PCDHA9: variants seen among roughly 807,000 people sequenced by gnomAD.
PCDHA9 encodes protocadherin alpha 9, also known as protocadherin alpha-9.
In PCDHA9, 62 loss-of-function variants were observed where a neutral mutation model predicts 62.0. The observed-to-expected ratio is 1.00, with a 90% CI of 0.81 to 1.23. The LOEUF is 1.23. Ranked by LOEUF, PCDHA9 falls within the 50% of genes most tolerant of loss-of-function variation. The pLI is 0.00. For missense variants in PCDHA9, 1,205 were observed against 1,249.8 expected (o/e 0.96, Z 0.54); for synonymous variants, 557 against 567.6 (o/e 0.98, Z 0.27).
chr5:140,878,567 G>T (rs562054144), intron 1 of PCDHA9, among the ~76,000 whole-genome samples: 1 of 152,268 alleles, frequency 6.6e-6, no homozygotes, highest in Non-Finnish European at 1.5e-5. Flanking sequence ...ACTTATCATA[G>T]TATACCACTG....
intron 3 of PCDHA9, among the ~76,000 whole-genome samples, chr5:141,006,429 G>A (rs541690957): frequency 1.3e-5 from 2 of 152,004 alleles, no homozygotes; most frequent in South Asian, 4.2e-4. Context: ...TAGCCAGGAT[G>A]GTCTCAATCT....
chr5:140,933,739 G>A (rs531821370), intron 1 of PCDHA9, among the ~76,000 whole-genome samples: 18 of 151,856 alleles, frequency 1.2e-4, no homozygotes, highest in Admixed American at 3.9e-4. Flanking sequence ...TTAAATATTT[G>A]GTAGAATTCA....
At chr5:140,875,377 A>G in intron 1 of PCDHA9, 1 of 1,457,802 alleles carries the variant, frequency 6.9e-7, no homozygotes, top group Non-Finnish European at 9.0e-7. Context: ...TTTACTAAAT[A>G]TGTACTTACA....
At chr5:140,986,427 G>A (rs937088313) in intron 3 of PCDHA9, among the ~76,000 whole-genome samples, 19 of 152,186 alleles carry the variant, frequency 1.2e-4, no homozygotes, top group African/African-American at 4.6e-4. Context: ...TTAACTTCAT[G>A]AGTACTAATG....
At chr5:140,871,380 T>G in intron 1 of PCDHA9, 1 of 1,614,184 alleles carries the variant, frequency 6.2e-7, no homozygotes, top group East Asian at 2.2e-5. Context: ...GGGTGTGCTC[T>G]GAGGAGGGCC....
intron 1 of PCDHA9, chr5:140,869,898 C>T (rs782158709): frequency 6.2e-7 from 1 of 1,610,356 alleles, no homozygotes; most frequent in Non-Finnish European, 8.5e-7. Flanking sequence ...TCAAACTAAA[C>T]GCCACAGACC....
chr5:140,871,015 G>T (rs1554164977), intron 1 of PCDHA9: 4 of 1,613,124 alleles, frequency 2.5e-6, no homozygotes, highest in East Asian at 4.5e-5. Flanking sequence ...TGCCCTGGAC[G>T]AGGCAGACTC....
intron 1 of PCDHA9, chr5:140,882,808 G>A (rs1554175666): frequency 6.2e-7 from 1 of 1,614,208 alleles, no homozygotes; most frequent in Non-Finnish European, 8.5e-7. Flanking sequence ...ATTTCACTTT[G>A]GACGCACAAA....
intron 1 of PCDHA9, among the ~76,000 whole-genome samples, chr5:140,895,594 T>C (rs2065067713): frequency 6.6e-6 from 1 of 152,228 alleles, no homozygotes; most frequent in Admixed American, 6.5e-5. Flanking sequence ...GATATATAAT[T>C]TGCAAAGATT....
chr5:140,942,540 G>C lies in PCDHA9; in HGVS notation c.2395-36409G>C, dbSNP rs1013086382. Among the ~76,000 whole-genome samples the C allele has an allele frequency of 8.5e-5, 13 of 152,164 alleles. No homozygotes were observed. In the South Asian group the frequency reaches 1.5e-3, roughly 17 times the overall value. ...GGGGAAGCAACTAACTCAGTATGGT[G>C]GGGGGTAGGGGGTTGAGGCAGAAAA... On this transcript the variant is annotated intron_variant, in intron 1 of 3. Transcript: ENST00000532602.
At chr5:140,992,605 A>C (rs2097521923) in intron 3 of PCDHA9, among the ~76,000 whole-genome samples, 1 of 152,166 alleles carries the variant, frequency 6.6e-6, no homozygotes, top group South Asian at 2.1e-4. Flanking sequence ...TCTGTGTCTA[A>C]GTGAAAGCAG....
chr5:140,870,344 G>C, intron 1 of PCDHA9: 1 of 1,614,196 alleles, frequency 6.2e-7, no homozygotes, highest in Non-Finnish European at 8.5e-7. Flanking sequence ...GCCCTGGACC[G>C]CGAGAACGTG....
intron 3 of PCDHA9, among the ~76,000 whole-genome samples, chr5:140,997,683 T>C (rs782444752): frequency 6.6e-6 from 1 of 152,044 alleles, no homozygotes; most frequent in Non-Finnish European, 1.5e-5. Context: ...TGTGTGTGTG[T>C]GTGTGTGTGT....
At chr5:140,878,099 C>T (rs1270449354) in intron 1 of PCDHA9, 2 of 277,184 alleles carry the variant, frequency 7.2e-6, no homozygotes, top group Non-Finnish European at 1.3e-5. Flanking sequence ...GACTGATGAA[C>T]CTTGAAAAAA....
Position 140,849,717 on chromosome 5 carries a change from G to C in PCDHA9, c.1222G>C (p.Val408Leu), listed in dbSNP as rs141495063. The C allele has an allele frequency of 1.2e-4, 185 of 1,598,594 alleles. 18 individuals are homozygous for C. In the Middle Eastern group the frequency reaches 1.2e-3, roughly 10 times the overall value. ...CACCTACAAGAATTACTACTCGTTG[G>C]TGCTGGACAGAGCTCTGGACCGCGA... The part of the protein sequence containing the change: ...VSTYKNYYSL[V>L]LDRALDRESV... Residue 408 changes from valine (V) to leucine (L), a missense_variant, in exon 1 of 4, where the codon GTG becomes CTG. Physicochemically the swap from Val to Leu is conservative, Grantham distance 32. This residue lies in a region of PCDHA9 where 887 missense variants were observed against 809.5 expected (regional missense o/e 1.10). Coordinates refer to ENST00000532602, the MANE Select transcript of PCDHA9 (RefSeq NM_031857.2).
chr5:141,010,405 C>A lies in PCDHA9; in HGVS notation c.*468C>A. The A allele has an allele frequency of 7.9e-7, 1 of 1,260,098 alleles. No homozygotes were observed. The highest frequency in any genetic ancestry group is 1.1e-6 in the Non-Finnish European group (1 of 934,062). The allele number at this position is 1,260,098 out of a possible 1,614,324, so 78.1% of individuals were successfully genotyped here. On this transcript the variant is annotated 3_prime_UTR_variant, in exon 4 of 4. Transcript: ENST00000532602. ...ATTGGCTGAGACGAGCCAGCTTAGACTAATTGGTACAAGGAAGGCAAGAAA... is the reference window on the plus strand; with the variant it reads ...ATTGGCTGAGACGAGCCAGCTTAGAATAATTGGTACAAGGAAGGCAAGAAA...
At chr5:140,885,110 TA>T (rs1368571784) in intron 1 of PCDHA9, among the ~76,000 whole-genome samples, 4 of 152,224 alleles carry the variant, frequency 2.6e-5, no homozygotes, top group African/African-American at 9.6e-5. Context: ...ATGCTTTTTT[TA>T]AGTGCACTTT....
intron 1 of PCDHA9, among the ~76,000 whole-genome samples, chr5:140,923,228 CCAGAA>C (rs2081257346): frequency 1.4e-5 from 1 of 71,808 alleles, no homozygotes; most frequent in Admixed American, 1.5e-4. Flanking sequence ...TCGTTTGAGC[CCAGAA>C]GTTTGAGACC....
At chr5:140,951,373 C>T (rs1554219872) in intron 1 of PCDHA9, among the ~76,000 whole-genome samples, 1 of 151,996 alleles carries the variant, frequency 6.6e-6, no homozygotes, top group Non-Finnish European at 1.5e-5. Context: ...AAAGAAACAC[C>T]CAAGACTCGG....
Sources: gnomAD v4.1 joint callset for allele counts (sites outside exome capture counted in the v4.1 genomes callset) on GRCh38, gnomAD v4.1.1 for gene constraint, gnomAD v4.1.1 regional missense constraint, MANE v1.5 for transcripts, NCBI Gene and HGNC (gene_info 2026-07-23, HGNC 2026-07-21) for gene names.